The following DLG2 variants were observed in gnomAD, a reference collection of about 807,000 sequenced individuals.
DLG2 encodes disks large homolog 2.
Under a neutral mutation model 132.5 loss-of-function variants are expected in DLG2, and 45 were observed. That is an observed-to-expected ratio of 0.34 (90% confidence interval 0.27 to 0.44). The LOEUF (loss-of-function observed/expected upper bound fraction) is 0.44. DLG2 is among the 20% of genes least tolerant of loss of function. The pLI is 1.00. For missense variants in DLG2, 1,045 were observed against 1,196.9 expected, an observed-to-expected ratio of 0.87 and a Z score of 1.87; for synonymous variants, 424 against 419.6, an observed-to-expected ratio of 1.01 and a Z score of -0.13.
At chr11:85,029,707 G>C (rs535729573) in intron 6 of DLG2, among the ~76,000 whole-genome samples, 1 of 152,160 alleles carries the variant, frequency 6.6e-6, no homozygotes, top group East Asian at 1.9e-4. Context: ...ATAACAAGTG[G>C]AGCTGTAAAC....
intron 3 of DLG2, among the ~76,000 whole-genome samples, chr11:85,412,728 C>CATATATAT (rs1457324665): frequency 8.8e-6 from 1 of 114,098 alleles, no homozygotes; most frequent in African/African-American, 3.7e-5. Context: ...CAGTATTTCA[C>CATATATAT]ACACACACAC....
chr11:85,408,530 A>G (rs286038), intron 3 of DLG2, among the ~76,000 whole-genome samples: 8,533 of 140,982 alleles, frequency 0.061, 522 homozygotes, highest in East Asian at 0.27. Context: ...ATATCTCCCA[A>G]TGCTATCCCT....
rs536913554 is a variant in DLG2, at chr11:84,064,855, T to G, written c.750-5371A>C. Among the ~76,000 whole-genome samples the G allele has an allele frequency of 3.3e-5, 5 of 152,218 alleles. No homozygotes were observed. In the East Asian group the frequency reaches 7.7e-4, roughly 23 times the overall value. On this transcript the variant is annotated intron_variant, in intron 10 of 27. Transcript: ENST00000376104. ...AAATAGAGCTTTTACAGCAAGGTAC[T>G]GGTACAAAAACAGACACACAGACCA...
chr11:84,626,690 C>T (rs986442159), intron 6 of DLG2, among the ~76,000 whole-genome samples: 1 of 152,064 alleles, frequency 6.6e-6, no homozygotes, highest in South Asian at 2.1e-4. Context: ...GTTAGCTCTG[C>T]ACTAGCAGGG....
intron 20 of DLG2, among the ~76,000 whole-genome samples, chr11:83,533,380 C>A (rs1204498990): frequency 6.6e-6 from 1 of 152,040 alleles, no homozygotes; most frequent in Non-Finnish European, 1.5e-5. Flanking sequence ...AGCTGGGGGA[C>A]AAAGAAAAAA....
chr11:83,847,474 G>T (rs542371005), intron 16 of DLG2, among the ~76,000 whole-genome samples: 1 of 152,254 alleles, frequency 6.6e-6, no homozygotes, highest in East Asian at 1.9e-4. Context: ...TTGAATTAAA[G>T]TGAAATAATT....
chr11:84,274,762 G>T (rs1329909361), intron 7 of DLG2, among the ~76,000 whole-genome samples: 1 of 152,066 alleles, frequency 6.6e-6, no homozygotes, highest in Non-Finnish European at 1.5e-5. Context: ...TTTTTCCTTA[G>T]TACTTCACGA....
chr11:83,485,461 T>C, intron 21 of DLG2, among the ~76,000 whole-genome samples: 1 of 152,166 alleles, frequency 6.6e-6, no homozygotes, highest in East Asian at 1.9e-4. Context: ...GTTTGGCTGA[T>C]TTGGCTCTGA....
chr11:85,079,345 G>C (rs933975336), intron 6 of DLG2, among the ~76,000 whole-genome samples: 3 of 152,040 alleles, frequency 2.0e-5, no homozygotes, highest in Non-Finnish European at 4.4e-5. Context: ...CTTGGTGCCT[G>C]AATTCCAAGA....
At chr11:85,189,654 C>A (rs1284864928) in intron 4 of DLG2, among the ~76,000 whole-genome samples, 2 of 152,084 alleles carry the variant, frequency 1.3e-5, no homozygotes, top group African/African-American at 4.8e-5. Flanking sequence ...TTAAAATTGT[C>A]TTATATCTTG....
chr11:84,970,909 G>A (rs1281576395), intron 6 of DLG2, among the ~76,000 whole-genome samples: 2 of 152,132 alleles, frequency 1.3e-5, no homozygotes, highest in African/African-American at 4.8e-5. Flanking sequence ...CTTTCTGGAG[G>A]AGTCTACCAA....
At chr11:84,043,157 A>T (rs1217983178) in intron 11 of DLG2, among the ~76,000 whole-genome samples, 2 of 151,688 alleles carry the variant, frequency 1.3e-5, no homozygotes, top group East Asian at 3.9e-4. Context: ...TTAATTATAA[A>T]TTGAGCAATT....
At chr11:84,845,913 A>G (rs1221398247) in intron 6 of DLG2, among the ~76,000 whole-genome samples, 1 of 151,630 alleles carries the variant, frequency 6.6e-6, no homozygotes, top group East Asian at 1.9e-4. Context: ...CTCCTGATCC[A>G]CCTGCCTCAG....
intron 6 of DLG2, among the ~76,000 whole-genome samples, chr11:84,600,234 GACA>G (rs2099573701): frequency 9.3e-6 from 1 of 107,268 alleles, no homozygotes; most frequent in Non-Finnish European, 1.8e-5. Context: ...GAGAAAGAAA[GACA>G]GAAAAGCAAG....
At chr11:83,651,114 A>C (rs944493150) in intron 18 of DLG2, among the ~76,000 whole-genome samples, 1 of 152,164 alleles carries the variant, frequency 6.6e-6, no homozygotes, top group Non-Finnish European at 1.5e-5. Flanking sequence ...ATGGAGGAAG[A>C]CATTATGTCT....
intron 19 of DLG2, among the ~76,000 whole-genome samples, chr11:83,625,378 C>T (rs547894651): frequency 5.9e-5 from 9 of 152,318 alleles, no homozygotes; most frequent in Non-Finnish European, 1.3e-4. Flanking sequence ...TTATCATCCC[C>T]AGGATACTAA....
At chr11:84,150,206 C>T (rs1401738292) in intron 9 of DLG2, among the ~76,000 whole-genome samples, 4 of 152,116 alleles carry the variant, frequency 2.6e-5, no homozygotes, top group African/African-American at 9.7e-5. Context: ...GAATGGTTTT[C>T]CATTTGTTTG....
chr11:85,109,488 C>T (rs1175596315), intron 6 of DLG2, among the ~76,000 whole-genome samples: 1 of 151,964 alleles, frequency 6.6e-6, no homozygotes, highest in Non-Finnish European at 1.5e-5. Context: ...ATCTGGGATT[C>T]CCAGATCCCA....
At chr11:84,661,786 T>C (rs1369546701) in intron 6 of DLG2, among the ~76,000 whole-genome samples, 2 of 152,076 alleles carry the variant, frequency 1.3e-5, no homozygotes, top group Admixed American at 1.3e-4. Context: ...AATATAGAAA[T>C]AACTTGGCAG....
Sources: gnomAD v4.1 joint callset for allele counts (sites outside exome capture counted in the v4.1 genomes callset) on GRCh38, gnomAD v4.1.1 for gene constraint, MANE v1.5 for transcripts, NCBI Gene and HGNC (gene_info 2026-07-23, HGNC 2026-07-21) for gene names.